MIS18A: variants seen among roughly 807,000 people sequenced by gnomAD.
MIS18A encodes the protein protein Mis18-alpha.
Under a neutral mutation model 25.0 loss-of-function variants are expected in MIS18A, and 14 were observed. The ratio of observed to expected loss-of-function variants is 0.56; its 90% confidence interval spans 0.37 to 0.88. The LOEUF is 0.88. MIS18A is among the 40% of genes least tolerant of loss of function. The probability of loss-of-function intolerance (pLI) is 0.00; values close to 1 mark genes in which losing one functional copy is unlikely to be tolerated. For missense variants in MIS18A, 292 were observed against 290.8 expected (o/e 1.00, Z -0.03); for synonymous variants, 134 against 118.6 (o/e 1.13, Z -0.84).
At chr21:32,190,474 AT>A in the MIS18A span, among the ~76,000 whole-genome samples, 3 of 152,218 alleles carry the variant, frequency 2.0e-5, no homozygotes, top group Non-Finnish European at 4.4e-5. Flanking sequence ...GCATATGCCC[AT>A]TTACCCACAA....
chr21:32,227,961 C>T, the MIS18A span, among the ~76,000 whole-genome samples: 66 of 152,236 alleles, frequency 4.3e-4, no homozygotes, highest in Middle Eastern at 0.014. Context: ...TCTCAGTAGA[C>T]GTGGAAAGCA....
intron 1 of MIS18A, among the ~76,000 whole-genome samples, chr21:32,275,705 G>T (rs1294297503): frequency 6.6e-6 from 1 of 151,996 alleles, no homozygotes; most frequent in African/African-American, 2.4e-5. Context: ...ACCTTAACTC[G>T]GTAAACTCCA....
the MIS18A span, among the ~76,000 whole-genome samples, chr21:32,207,276 A>G: frequency 1.3e-5 from 2 of 152,244 alleles, no homozygotes; most frequent in African/African-American, 4.8e-5. Context: ...CTAGAAAGAT[A>G]ATGATAAATA....
the MIS18A span, among the ~76,000 whole-genome samples, chr21:32,216,447 C>T: frequency 2.0e-5 from 3 of 152,156 alleles, no homozygotes; most frequent in African/African-American, 7.2e-5. Flanking sequence ...AGAGCTCTTC[C>T]AGTGCAAAAA....
At chr21:32,247,484 C>G in the MIS18A span, among the ~76,000 whole-genome samples, 1 of 152,316 alleles carries the variant, frequency 6.6e-6, no homozygotes, top group African/African-American at 2.4e-5. Flanking sequence ...TCCTAACAAG[C>G]CTGTCAGTTG....
chr21:32,162,223 C>T, the MIS18A span, among the ~76,000 whole-genome samples: 1 of 152,128 alleles, frequency 6.6e-6, no homozygotes, highest in Admixed American at 6.5e-5. Context: ...ATTCTTCCCG[C>T]CTCAAAACTC....
chr21:32,218,730 G>A, the MIS18A span, among the ~76,000 whole-genome samples: 1 of 152,040 alleles, frequency 6.6e-6, no homozygotes, highest in African/African-American at 2.4e-5. Flanking sequence ...CATAAAAGAA[G>A]GGAATAGTGG....
At chr21:32,265,372 C>T (rs149251179), downstream of MIS18A, among the ~76,000 whole-genome samples, 3,750 of 152,286 alleles carry the variant, frequency 0.025, 96 homozygotes, top group South Asian at 0.1. Context: ...GTGGCGCTTG[C>T]GGGCCAGCTG....
chr21:32,158,317 TAAAG>T, the MIS18A span, among the ~76,000 whole-genome samples: 1 of 152,192 alleles, frequency 6.6e-6, no homozygotes, highest in Admixed American at 6.5e-5. Context: ...TGAAGAATGT[TAAAG>T]AAACACATTA....
chr21:32,245,801 T>C, the MIS18A span, among the ~76,000 whole-genome samples: 2 of 152,184 alleles, frequency 1.3e-5, no homozygotes, highest in Non-Finnish European at 2.9e-5. Context: ...GGACATCCAT[T>C]CACCTGACAC....
the MIS18A span, among the ~76,000 whole-genome samples, chr21:32,218,994 G>A: frequency 6.6e-6 from 1 of 151,766 alleles, no homozygotes; most frequent in South Asian, 2.1e-4. Context: ...CTCGAACCCG[G>A]GAGGCAGAGG....
chr21:32,197,804 CAG>C, the MIS18A span: 1 of 152,190 alleles, frequency 6.6e-6, no homozygotes, highest in Admixed American at 6.5e-5. Context: ...ATTCCAGACA[CAG>C]AGCTGTTTTC....
At chr21:32,162,626 A>G in the MIS18A span, among the ~76,000 whole-genome samples, 1 of 152,190 alleles carries the variant, frequency 6.6e-6, no homozygotes, top group Non-Finnish European at 1.5e-5. Context: ...CTCTAATCAG[A>G]CATGGAACTT....
At chr21:32,216,014 A>T in the MIS18A span, among the ~76,000 whole-genome samples, 1 of 152,154 alleles carries the variant, frequency 6.6e-6, no homozygotes, top group Non-Finnish European at 1.5e-5. Flanking sequence ...ATGTTAGTGG[A>T]TGTGGTGGAC....
At chr21:32,174,290 G>A in the MIS18A span, among the ~76,000 whole-genome samples, 5 of 152,172 alleles carry the variant, frequency 3.3e-5, no homozygotes, top group African/African-American at 7.2e-5. Flanking sequence ...GTCAGACTGC[G>A]TTTTTAAAAC....
At chr21:32,200,717 C>T in the MIS18A span, among the ~76,000 whole-genome samples, 6 of 152,226 alleles carry the variant, frequency 3.9e-5, no homozygotes, top group East Asian at 7.7e-4. Context: ...GGATTACAGG[C>T]GTGAGCCACC....
At chr21:32,174,010 G>A in the MIS18A span, among the ~76,000 whole-genome samples, 1 of 135,468 alleles carries the variant, frequency 7.4e-6, no homozygotes, top group African/African-American at 2.8e-5. Context: ...CTGTTACCAG[G>A]CTGGAGTGCG....
the MIS18A span, among the ~76,000 whole-genome samples, chr21:32,245,819 C>T: frequency 7.4e-3 from 1,122 of 152,312 alleles, 12 homozygotes; most frequent in African/African-American, 0.025. Flanking sequence ...CACTCAGCCT[C>T]CCTCTGCCCC....
At chr21:32,207,240 GC>G in the MIS18A span, among the ~76,000 whole-genome samples, 2 of 152,106 alleles carry the variant, frequency 1.3e-5, no homozygotes, top group African/African-American at 4.8e-5. Context: ...ATGGATAAAT[GC>G]AAAAATTGCA....
Sources: allele counts gnomAD v4.1 joint callset (sites outside exome capture counted in the v4.1 genomes callset), GRCh38; gene constraint gnomAD v4.1.1; transcripts MANE v1.5; gene names NCBI Gene and HGNC (gene_info 2026-07-23, HGNC 2026-07-21).